Variants in PDGFD observed in about 807,000 individuals in gnomAD.
The protein encoded by PDGFD is platelet derived growth factor D, also known as platelet-derived growth factor D.
In PDGFD, 30 loss-of-function variants were observed where a neutral mutation model predicts 44.7. That is an observed-to-expected ratio of 0.67 (90% confidence interval 0.50 to 0.91). PDGFD has a LOEUF of 0.91. PDGFD is among the 40% of genes least tolerant of loss of function. The probability of loss-of-function intolerance (pLI) is 0.00; values close to 1 mark genes in which losing one functional copy is unlikely to be tolerated. For missense variants in PDGFD, 445 were observed against 457.8 expected (o/e 0.97, Z 0.25); for synonymous variants, 173 against 168.4 (o/e 1.03, Z -0.21).
intron 1 of PDGFD, chr11:104,037,465 G>A: frequency 6.2e-7 from 1 of 1,614,140 alleles, no homozygotes; most frequent in Non-Finnish European, 8.5e-7. Context: ...GGCCAAAATA[G>A]AAGAGGAAAT....
At chr11:103,926,649 A>G (rs974856336) in intron 6 of PDGFD, among the ~76,000 whole-genome samples, 3 of 152,124 alleles carry the variant, frequency 2.0e-5, no homozygotes, top group Non-Finnish European at 4.4e-5. Context: ...CACATATTTG[A>G]TTATATATTC....
In PDGFD at chr11:104,032,189, C is replaced by G. The variant is rs528539731; in HGVS notation, c.125-31934G>C. ...AAATAAACACAGATATATACAACAA[C>G]AACAACAAAAATAATGAATAAATAA... On this transcript the variant is annotated intron_variant, in intron 1 of 6. Transcript: ENST00000393158. 9.9e-5 allele frequency among the ~76,000 whole-genome samples: 15 copies of G among 151,634 alleles called. No individual in the cohort carries two copies. The South Asian group carries it at 2.3e-3, about 23-fold the overall frequency.
At chr11:104,087,049 CAG>C (rs1226211464) in intron 1 of PDGFD, among the ~76,000 whole-genome samples, 1 of 64,666 alleles carries the variant, frequency 1.5e-5, no homozygotes, top group Admixed American at 2.4e-4. Context: ...TTTTTTTTGA[CAG>C]AGTCTAGCTC....
intron 1 of PDGFD, among the ~76,000 whole-genome samples, chr11:104,007,172 T>G (rs890619287): frequency 2.0e-5 from 3 of 152,116 alleles, no homozygotes; most frequent in African/African-American, 4.8e-5. Context: ...ATCAGGGAAG[T>G]ATCCCGTTTT....
intron 5 of PDGFD, among the ~76,000 whole-genome samples, chr11:103,937,837 A>G (rs1235033600): frequency 6.6e-6 from 1 of 151,438 alleles, no homozygotes; most frequent in East Asian, 1.9e-4. Flanking sequence ...GTTTGCTGAG[A>G]ATGATGGTTT....
chr11:104,074,419 TG>T (rs1459995835), intron 1 of PDGFD, among the ~76,000 whole-genome samples: 1 of 152,242 alleles, frequency 6.6e-6, no homozygotes, highest in African/African-American at 2.4e-5. Flanking sequence ...TAAATGTTTC[TG>T]GGTGCCAAGA....
At chr11:104,127,329 G>A (rs11226188) in intron 1 of PDGFD, among the ~76,000 whole-genome samples, 1 of 152,106 alleles carries the variant, frequency 6.6e-6, no homozygotes, top group Non-Finnish European at 1.5e-5. Flanking sequence ...ATTATAATTA[G>A]TAGGAGGTGT....
At position 103,908,433 on chromosome 11, in the gene PDGFD, T is replaced by TGG. The variant is rs1857972778; in HGVS notation, c.*1260_*1261insCC. The TGG allele has an allele frequency of 6.6e-6, 1 of 152,202 alleles. No homozygotes were observed. 9.4% of individuals were successfully genotyped at this position (152,202 alleles called of 1,614,324 possible). A position where few individuals can be genotyped will look rare whatever the true frequency, so the allele number is the denominator to read the frequency against. ...GGCTTCTTAAAGCAAGCTCCATAGA[T>TGG]TAAGAACCATAGCCTCTAGGACTGA... On this transcript the variant is annotated 3_prime_UTR_variant, in exon 7 of 7. Coordinates refer to ENST00000393158, the MANE Select transcript of PDGFD (RefSeq NM_025208.5).
intron 1 of PDGFD, among the ~76,000 whole-genome samples, chr11:104,092,646 T>C (rs1861227388): frequency 6.6e-6 from 1 of 152,166 alleles, no homozygotes; most frequent in Non-Finnish European, 1.5e-5. Flanking sequence ...CTATTATATA[T>C]TAATAGAGTC....
chr11:103,956,140 C>A (rs1858842132), intron 3 of PDGFD, among the ~76,000 whole-genome samples: 1 of 150,360 alleles, frequency 6.7e-6, no homozygotes, highest in Admixed American at 6.6e-5. Context: ...TATACATGTG[C>A]CATGCTGGTG....
chr11:103,934,401 C>G (rs540552145), intron 5 of PDGFD, among the ~76,000 whole-genome samples: 1 of 152,114 alleles, frequency 6.6e-6, no homozygotes, highest in Non-Finnish European at 1.5e-5. Flanking sequence ...GAAGGCCATG[C>G]CCACCTTGAA....
intron 1 of PDGFD, among the ~76,000 whole-genome samples, chr11:104,125,488 T>C (rs1208668483): frequency 2.0e-5 from 3 of 152,096 alleles, no homozygotes; most frequent in African/African-American, 7.2e-5. Context: ...CGAAAATGCT[T>C]GTGAGAGATT....
At chr11:103,927,189 G>A in intron 5 of PDGFD, 63 bp from the exon 6 acceptor site, 1 of 1,433,404 alleles carries the variant, frequency 7.0e-7, no homozygotes, top group South Asian at 1.2e-5. Context: ...CTCAGCATGT[G>A]TTTTGGGGAA....
chr11:104,009,085 T>C (rs1362818809), intron 1 of PDGFD, among the ~76,000 whole-genome samples: 1 of 152,118 alleles, frequency 6.6e-6, no homozygotes, highest in African/African-American at 2.4e-5. Flanking sequence ...GGATTATTTT[T>C]GGAAGAGATG....
At chr11:103,981,366 C>A (rs1398596495) in intron 3 of PDGFD, among the ~76,000 whole-genome samples, 1 of 151,518 alleles carries the variant, frequency 6.6e-6, no homozygotes, top group African/African-American at 2.4e-5. Flanking sequence ...AAATAAATTT[C>A]TTTTTTAAAA....
chr11:104,120,928 G>A (rs1407070300), intron 1 of PDGFD, among the ~76,000 whole-genome samples: 3 of 151,912 alleles, frequency 2.0e-5, no homozygotes, highest in African/African-American at 7.3e-5. Flanking sequence ...CTCCTCCACA[G>A]CTCAAATGTA....
chr11:104,100,881 G>A (rs1483126780), intron 1 of PDGFD, among the ~76,000 whole-genome samples: 1 of 151,992 alleles, frequency 6.6e-6, no homozygotes, highest in Non-Finnish European at 1.5e-5. Context: ...TGCAGAAAAG[G>A]CCTTTGACAA....
At chr11:104,066,763 G>A (rs1860796632) in intron 1 of PDGFD, among the ~76,000 whole-genome samples, 1 of 152,116 alleles carries the variant, frequency 6.6e-6, no homozygotes, top group Non-Finnish European at 1.5e-5. Context: ...TGGCATCACT[G>A]ATTGATCCCA....
intron 5 of PDGFD, among the ~76,000 whole-genome samples, chr11:103,940,506 T>C (rs968657658): frequency 2.6e-5 from 4 of 152,132 alleles, no homozygotes; most frequent in Admixed American, 2.6e-4. Context: ...CAAAGTTTTA[T>C]TTGACACCTA....
Sources: gnomAD v4.1 joint callset for allele counts (sites outside exome capture counted in the v4.1 genomes callset) on GRCh38, gnomAD v4.1.1 for gene constraint, MANE v1.5 for transcripts, NCBI Gene and HGNC (gene_info 2026-07-23, HGNC 2026-07-21) for gene names.